CCM2: variants seen among roughly 807,000 people sequenced by gnomAD.
The protein encoded by CCM2 is cerebral cavernous malformations 2 protein.
Under a neutral mutation model 44.9 loss-of-function variants are expected in CCM2, and 25 were observed. The observed-to-expected ratio is 0.56, with a 90% CI of 0.41 to 0.78. CCM2 has a LOEUF of 0.78. Ranked by LOEUF, CCM2 falls within the 30% of genes least tolerant of loss-of-function variation. The pLI is 0.00. For missense variants in CCM2, 481 were observed against 580.6 expected (o/e 0.83, Z 1.76); for synonymous variants, 219 against 241.1 (o/e 0.91, Z 0.85).
intron 5 of CCM2, among the ~76,000 whole-genome samples, chr7:45,069,197 C>A (rs1405791124): frequency 6.6e-6 from 1 of 152,246 alleles, no homozygotes; most frequent in Non-Finnish European, 1.5e-5. Context: ...CCTTAAATAT[C>A]CTCTAATGAG....
chr7:45,008,929 T>A (rs1328939868), intron 1 of CCM2, among the ~76,000 whole-genome samples: 2 of 152,162 alleles, frequency 1.3e-5, no homozygotes, highest in African/African-American at 4.8e-5. Context: ...CTTAGTATTG[T>A]CCGTCTTTCT....
intron 1 of CCM2, among the ~76,000 whole-genome samples, chr7:45,023,161 A>G (rs1583866562): frequency 6.6e-6 from 1 of 151,726 alleles, no homozygotes; most frequent in Non-Finnish European, 1.5e-5. Context: ...CCATTATATC[A>G]CTCTGTGTGC....
intron 1 of CCM2, chr7:45,027,296 CGG>C: frequency 3.0e-6 from 1 of 335,388 alleles, no homozygotes. Context: ...ACCAACAGCA[CGG>C]CCTGTTGTCT....
chr7:45,041,109 C>T (rs1797475193), intron 2 of CCM2, among the ~76,000 whole-genome samples: 1 of 152,094 alleles, frequency 6.6e-6, no homozygotes, highest in African/African-American at 2.4e-5. Context: ...AGTGAAGTCC[C>T]AGGAAATTAA....
intron 1 of CCM2, among the ~76,000 whole-genome samples, chr7:45,030,875 CA>C (rs893737242): frequency 6.6e-6 from 1 of 152,062 alleles, no homozygotes; most frequent in African/African-American, 2.4e-5. Context: ...AGGTGTGCAC[CA>C]CCATGCCCGG....
At position 45,004,266 on chromosome 7, in the gene CCM2, ATAAT is replaced by A. The variant is rs371875246; in HGVS notation, c.30+3907_30+3910del. Among the ~76,000 whole-genome samples, 12 of 152,328 alleles carry A rather than the reference ATAAT, an allele frequency of 7.9e-5. No individual in the cohort carries two copies. The East Asian group carries it at 1.5e-3, about 20-fold the overall frequency. On this transcript the variant is annotated intron_variant, in intron 1 of 9. Transcript: ENST00000258781. The stretch of plus-strand genomic sequence containing the variant: ...GGAATTATTAATTTTGTTGGGTATG[ATAAT>A]TAAGTTCTGATCTGATAGGCATGTA...
intron 4 of CCM2, 66 bp downstream of exon 4, chr7:45,064,712 T>A: frequency 6.4e-7 from 1 of 1,570,470 alleles, no homozygotes; most frequent in East Asian, 2.3e-5. Flanking sequence ...TTTATGAAGT[T>A]CTGGAGACAG....
chr7:45,001,088 G>T (rs1383608003), intron 1 of CCM2, among the ~76,000 whole-genome samples: 7 of 152,112 alleles, frequency 4.6e-5, no homozygotes, highest in Admixed American at 4.6e-4. Context: ...TTTTCTTTTT[G>T]ATGTGTGTGT....
intron 2 of CCM2, among the ~76,000 whole-genome samples, chr7:45,053,650 C>A (rs187523263): frequency 6.6e-6 from 1 of 152,152 alleles, no homozygotes; most frequent in African/African-American, 2.4e-5. Context: ...CTTATTACCC[C>A]CTTGCTCCTG....
In CCM2 at chr7:45,068,257, G is replaced by A. The variant is rs567922779; in HGVS notation, c.473-186G>A. On this transcript the variant is annotated intron_variant, in intron 4 of 9. Coordinates refer to ENST00000258781, the MANE Select transcript of CCM2 (RefSeq NM_031443.4). ...TGCCCTTGGAGCTCAGGGGTCGCGT[G>A]TTCCCACCCTTATTTAGAGAAGCGA... 42 of 709,078 alleles carry A rather than the reference G, an allele frequency of 5.9e-5. No individual in the cohort carries two copies. In the South Asian group the frequency reaches 6.5e-4, roughly 11 times the overall value. 43.9% of individuals were successfully genotyped at this position (709,078 alleles called of 1,614,324 possible). A position where few individuals can be genotyped will look rare whatever the true frequency, so the allele number is the denominator to read the frequency against.
At chr7:45,031,455 T>A (rs1391579013) in intron 1 of CCM2, among the ~76,000 whole-genome samples, 1 of 151,128 alleles carries the variant, frequency 6.6e-6, no homozygotes, top group Non-Finnish European at 1.5e-5. Flanking sequence ...CATAGCCCAC[T>A]GCAGCTTTGA....
intron 2 of CCM2, among the ~76,000 whole-genome samples, chr7:45,041,847 TC>T (rs1478177977): frequency 6.6e-6 from 1 of 152,192 alleles, no homozygotes; most frequent in African/African-American, 2.4e-5. Flanking sequence ...GCCCTCCTAT[TC>T]CTTCCAACCA....
chr7:45,039,467 A>G (rs1797377723), intron 2 of CCM2, among the ~76,000 whole-genome samples: 1 of 152,210 alleles, frequency 6.6e-6, no homozygotes, highest in East Asian at 1.9e-4. Flanking sequence ...GACTCCCGCC[A>G]GGCATCCGAC....
chr7:45,020,330 ACTT>A (rs1186656161), intron 1 of CCM2, among the ~76,000 whole-genome samples: 1 of 152,130 alleles, frequency 6.6e-6, no homozygotes, highest in Non-Finnish European at 1.5e-5. Context: ...GATACAGTCT[ACTT>A]CTCTCTTAAG....
rs1380145361 is a variant in CCM2 at position 45,076,249 on chromosome 7, C to T, written c.*192C>T. 6 of 798,186 alleles carry T rather than the reference C, an allele frequency of 7.5e-6. No homozygotes were observed. The highest frequency in any genetic ancestry group is 2.7e-5 in the East Asian group (1 of 37,134). The allele number at this position is 798,186 out of a possible 1,614,324, so 49.4% of individuals were successfully genotyped here. On this transcript the variant is annotated 3_prime_UTR_variant, in exon 10 of 10. Coordinates refer to ENST00000258781, the MANE Select transcript of CCM2 (RefSeq NM_031443.4). The stretch of plus-strand genomic sequence containing the variant: ...CTGCCGAGGGACACGAGCCTCAGTG[C>T]GGGGTGGAAGGCTCTTTGCCTTGTC...
chr7:45,070,052 T>C (rs1798986225), intron 6 of CCM2, 91 bp downstream of exon 6: 1 of 1,501,790 alleles, frequency 6.7e-7, no homozygotes, highest in Non-Finnish European at 9.2e-7. Flanking sequence ...ACTCCTGGAA[T>C]AGCGCAGTTA....
rs1220597500 is a variant in CCM2, at chr7:45,038,349, C to T, written c.127C>T (p.His43Tyr). 6.2e-7 allele frequency: 1 copy of T among 1,614,162 alleles called. No homozygotes were observed. The highest frequency in any genetic ancestry group is 8.5e-7 in the Non-Finnish European group (1 of 1,180,014). ...HEKVTERRPL[H>Y]TVVLSLPERV... ...GAAGGTGACAGAGAGGCGCCCTCTG[C>T]ACACTGTGGTGTTGTCATTGCCTGA... Residue 43 changes from histidine to tyrosine, a missense_variant, in exon 2 of 10, where the codon CAC (histidine) becomes TAC (tyrosine). Coordinates refer to ENST00000258781, the MANE Select transcript of CCM2 (RefSeq NM_031443.4).
intron 2 of CCM2, among the ~76,000 whole-genome samples, chr7:45,060,134 C>G (rs1198777238): frequency 6.6e-6 from 1 of 152,148 alleles, no homozygotes; most frequent in South Asian, 2.1e-4. Context: ...TTTAACTTTT[C>G]TTGAAATGTT....
intron 2 of CCM2, among the ~76,000 whole-genome samples, 185 bp downstream of exon 2, chr7:45,038,611 T>A (rs976969158): frequency 4.6e-5 from 7 of 152,362 alleles, no homozygotes; most frequent in Middle Eastern, 3.4e-3. Context: ...CCAGATTCTG[T>A]CTGCTGACCC....
Sources: allele counts gnomAD v4.1 joint callset (sites outside exome capture counted in the v4.1 genomes callset), GRCh38; gene constraint gnomAD v4.1.1; transcripts MANE v1.5; gene names NCBI Gene and HGNC (gene_info 2026-07-23, HGNC 2026-07-21).